KCTD9: variants seen among roughly 807,000 people sequenced by gnomAD.
The protein encoded by KCTD9 is BTB/POZ domain-containing protein KCTD9.
Under a neutral mutation model 53.3 loss-of-function variants are expected in KCTD9, and 17 were observed. The observed-to-expected ratio is 0.32, with a 90% CI of 0.22 to 0.48. KCTD9 has a LOEUF of 0.48. Ranked by LOEUF, KCTD9 falls within the 20% of genes least tolerant of loss-of-function variation. The pLI, the probability that KCTD9 is intolerant of heterozygous loss-of-function variation, is 0.99. For missense variants in KCTD9, 179 were observed against 465.5 expected (o/e 0.38, Z 5.66); for synonymous variants, 128 against 162.7 (o/e 0.79, Z 1.62).
intron 5 of KCTD9, 22 bp from the exon 6 acceptor site, chr8:25,439,429 G>T: frequency 6.3e-7 from 1 of 1,584,864 alleles, no homozygotes; most frequent in Non-Finnish European, 8.6e-7. Flanking sequence ...TTATAATAAA[G>T]AAAGTCCCCC....
At position 25,458,430 on chromosome 8, in the gene KCTD9, C is replaced by T. The variant is rs970865397; in HGVS notation, c.-184G>A. ...GTCCCACACCCAAGGTTCGGCCGGT[C>T]CTCCTTCCCACCCCGCCCCTAGGCT... On this transcript the variant is annotated 5_prime_UTR_variant, in exon 1 of 12. Transcript: ENST00000221200. 3 of 677,676 alleles carry T rather than the reference C, an allele frequency of 4.4e-6. No homozygotes were observed. Among genetic ancestry groups the T allele is most frequent in the African/African-American group, 1.8e-5 (1 of 55,750 alleles). The allele number at this position is 677,676 out of a possible 1,614,324, so 42.0% of individuals were successfully genotyped here. A position where few individuals can be genotyped will look rare whatever the true frequency, so the allele number is the denominator to read the frequency against.
intron 3 of KCTD9, among the ~76,000 whole-genome samples, chr8:25,443,482 T>C (rs969880910): frequency 7.9e-5 from 12 of 152,296 alleles, no homozygotes; most frequent in African/African-American, 2.9e-4. Context: ...AAAAAAACCT[T>C]AATTGATCAT....
At chr8:25,457,300 C>T (rs1586445211) in intron 1 of KCTD9, 1 of 948,008 alleles carries the variant, frequency 1.1e-6, no homozygotes, top group Non-Finnish European at 1.3e-6. Flanking sequence ...TTTACCTTTA[C>T]CTTAGACTCG....
At chr8:25,444,230 A>G in intron 3 of KCTD9, 62 bp downstream of exon 3, 1 of 1,268,202 alleles carries the variant, frequency 7.9e-7, no homozygotes, top group Non-Finnish European at 1.1e-6. Flanking sequence ...ATTTAAAATA[A>G]TTGTCATTCC....
chr8:25,433,623 GAA>G (rs549925854), intron 9 of KCTD9, among the ~76,000 whole-genome samples, 188 bp from the exon 10 acceptor site: 1 of 152,062 alleles, frequency 6.6e-6, no homozygotes, highest in African/African-American at 2.4e-5. Context: ...ACATTTGAAA[GAA>G]AAATTTTTTT....
intron 9 of KCTD9, among the ~76,000 whole-genome samples, chr8:25,433,926 A>G (rs1312754490): frequency 1.3e-5 from 2 of 152,182 alleles, no homozygotes; most frequent in Admixed American, 6.5e-5. Context: ...AGGTCAGAAT[A>G]CAAAAGCCAG....
chr8:25,455,651 C>A (rs1563251516), intron 1 of KCTD9, among the ~76,000 whole-genome samples: 2 of 152,146 alleles, frequency 1.3e-5, no homozygotes. Context: ...GATCACTTGG[C>A]ATTTTGGTGA....
intron 1 of KCTD9, among the ~76,000 whole-genome samples, chr8:25,457,963 C>G (rs905184165): frequency 2.6e-5 from 4 of 151,126 alleles, no homozygotes; most frequent in Non-Finnish European, 4.4e-5. Flanking sequence ...AGCCCCCGGG[C>G]CGAACCGCGC....
Position 25,434,442 on chromosome 8 carries a change from T to TA in KCTD9, c.813+920_813+921insT, listed in dbSNP as rs1491122519. ...TCTCAAAGCGTTTTTGACAAACATC[T>TA]TTTTTTTTTTGTCCTTAACACAAAC... On this transcript the variant is annotated intron_variant, in intron 9 of 11. Coordinates refer to ENST00000221200, the MANE Select transcript of KCTD9 (RefSeq NM_017634.4). Among the ~76,000 whole-genome samples the TA allele has an allele frequency of 3.1e-4, 16 of 50,828 alleles. No homozygotes were observed. The East Asian group carries it at 7.8e-3, about 25-fold the overall frequency. The allele number at this position is 50,828 out of a possible 152,430, so 33.3% of individuals were successfully genotyped here.
chr8:25,456,077 A>G (rs1042830600), intron 1 of KCTD9, among the ~76,000 whole-genome samples: 1 of 152,180 alleles, frequency 6.6e-6, no homozygotes, highest in Non-Finnish European at 1.5e-5. Flanking sequence ...TGGCGAGCAT[A>G]TAACACAGCA....
intron 10 of KCTD9, among the ~76,000 whole-genome samples, chr8:25,433,012 C>G (rs1329799201): frequency 1.3e-5 from 2 of 152,140 alleles, no homozygotes; most frequent in Non-Finnish European, 2.9e-5. Flanking sequence ...TGGCTTTATG[C>G]AAATGAAATT....
chr8:25,435,953 T>C (rs990911745), intron 8 of KCTD9, among the ~76,000 whole-genome samples: 4 of 152,228 alleles, frequency 2.6e-5, no homozygotes, highest in African/African-American at 9.6e-5. Flanking sequence ...AGCCCATATA[T>C]TGCAAATGTA....
chr8:25,448,608 C>A (rs73549259), intron 1 of KCTD9, among the ~76,000 whole-genome samples: 50 of 152,264 alleles, frequency 3.3e-4, no homozygotes, highest in South Asian at 1.2e-3. Context: ...AGCAGGCTTG[C>A]CATAAATAAT....
chr8:25,454,205 A>C (rs1278895033), intron 1 of KCTD9, among the ~76,000 whole-genome samples: 2 of 152,194 alleles, frequency 1.3e-5, no homozygotes, highest in African/African-American at 4.8e-5. Context: ...TTTCTGACCT[A>C]ATACCAAAAC....
rs772497075 is a variant in KCTD9 at position 25,439,586 on chromosome 8, AAAC to A, written c.370+17_370+19del. ...ATAAAACAGGTAAGATGAAATGTGA[AAAC>A]AACGTGTTACACTCACCTTTGTCCT... On this transcript the variant is annotated intron_variant, in intron 5 of 11. Transcript: ENST00000221200. 21 of 1,613,704 alleles carry A rather than the reference AAAC, an allele frequency of 1.3e-5. No homozygotes were observed. The highest frequency in any genetic ancestry group is 3.3e-5 in the Admixed American group (2 of 60,010).
At position 25,439,678 on chromosome 8, in the gene KCTD9, G is replaced by A; in HGVS notation, c.312-14C>T. ...ACTAAAGTGCTCCTAAGAATTCAGG[G>A]AAAAAAATTGATTTCTCCATTTGTC... On this transcript the variant is annotated splice_polypyrimidine_tract_variant and intron_variant, in intron 4 of 11. Transcript: ENST00000221200. The A allele has an allele frequency of 1.2e-6, 2 of 1,613,194 alleles. No homozygotes were observed. The highest frequency in any genetic ancestry group is 1.7e-6 in the Non-Finnish European group (2 of 1,179,768).
Position 25,458,219 on chromosome 8 carries a change from C to A in KCTD9, c.28G>T (p.Gly10Cys). The part of the protein sequence containing the change: MRRVTLFLN[G>C]SPKNGKVVAV... ...GTTACCTTTCCGTTCTTGGGGCTGCCGTTCAGGAACAGGGTCACCCGCCTC... is the reference window on the plus strand; with the variant it reads ...GTTACCTTTCCGTTCTTGGGGCTGCAGTTCAGGAACAGGGTCACCCGCCTC... Residue 10 changes from glycine to cysteine, a missense_variant, in exon 1 of 12, where the codon GGC (glycine) becomes TGC (cysteine). Coordinates refer to ENST00000221200, the MANE Select transcript of KCTD9 (RefSeq NM_017634.4). 1 of 1,609,350 alleles carries A rather than the reference C, an allele frequency of 6.2e-7. No homozygotes were observed. The highest frequency in any genetic ancestry group is 8.5e-7 in the Non-Finnish European group (1 of 1,179,140).
At chr8:25,430,137 C>A (rs2117380679) in intron 11 of KCTD9, among the ~76,000 whole-genome samples, 164 bp from the exon 12 acceptor site, 1 of 152,254 alleles carries the variant, frequency 6.6e-6, no homozygotes, top group South Asian at 2.1e-4. Flanking sequence ...TTAAGATGTT[C>A]TTCTATCTTT....
Position 25,436,328 on chromosome 8 carries a change from A to G in KCTD9, c.570T>C (p.Asn190=). ...LIEHLEVAIK[N]SQPPEDHSPI... ...GTGAATGATCCTCCGGTGGTTGAGA[A>G]TTCTTAAAAAAGACATTAAGAAATT... The change falls in exon 8 of 12, where the codon AAT becomes AAC. Residue 190 remains asparagine, a splice_region_variant and synonymous_variant. Transcript: ENST00000221200. 6.2e-7 allele frequency: 1 copy of G among 1,611,482 alleles called. No individual in the cohort carries two copies. Among genetic ancestry groups the G allele is most frequent in the South Asian group, 1.1e-5 (1 of 90,992 alleles).
Sources: allele counts gnomAD v4.1 joint callset (sites outside exome capture counted in the v4.1 genomes callset), GRCh38; gene constraint gnomAD v4.1.1; transcripts MANE v1.5; gene names NCBI Gene and HGNC (gene_info 2026-07-23, HGNC 2026-07-21).